The following INSC variants were observed in gnomAD, a reference collection of about 807,000 sequenced individuals.
INSC encodes the protein INSC spindle orientation adaptor protein.
A neutral mutation model predicts 58.6 loss-of-function variants in INSC; 67 were observed. That is an observed-to-expected ratio of 1.14 (90% CI 0.94 to 1.40). The LOEUF (loss-of-function observed/expected upper bound fraction) is 1.40. Ranked by LOEUF, INSC falls within the 40% of genes most tolerant of loss-of-function variation. INSC has a pLI of 0.00. For synonymous variants in INSC, 262 were observed against 276.1 expected (o/e 0.95, Z 0.51); for missense variants, 714 against 692.0 (o/e 1.03, Z -0.36).
chr11:15,169,719 T>C (rs1232631501), intron 2 of INSC, among the ~76,000 whole-genome samples: 1 of 152,134 alleles, frequency 6.6e-6, no homozygotes, highest in African/African-American at 2.4e-5. Context: ...TTTTTTTTTT[T>C]TGTACTTTTA....
intron 1 of INSC, among the ~76,000 whole-genome samples, chr11:15,129,813 A>G (rs1848084498): frequency 6.6e-6 from 1 of 152,228 alleles, no homozygotes; most frequent in South Asian, 2.1e-4. Context: ...ATGAATTGCT[A>G]CTTCATATGT....
intron 9 of INSC, among the ~76,000 whole-genome samples, chr11:15,226,642 T>C (rs1351100912): frequency 6.6e-6 from 1 of 152,158 alleles, no homozygotes; most frequent in East Asian, 1.9e-4. Flanking sequence ...CCTGTCTGCA[T>C]TTTAGCCCCT....
At chr11:15,234,887 G>A (rs553782106) in intron 9 of INSC, among the ~76,000 whole-genome samples, 13 of 152,190 alleles carry the variant, frequency 8.5e-5, no homozygotes, top group Admixed American at 7.8e-4. Flanking sequence ...TTTCTCCCTT[G>A]ACTGTACCAG....
chr11:15,159,687 A>G (rs560777649), intron 2 of INSC, among the ~76,000 whole-genome samples: 2 of 152,332 alleles, frequency 1.3e-5, no homozygotes, highest in African/African-American at 4.8e-5. Context: ...AAACTTTGCC[A>G]CTTGTGATCT....
At position 15,225,894 on chromosome 11, in the gene INSC, C is replaced by T; in HGVS notation, c.1170+66C>T. Reference sequence around the variant, plus strand: ...ATGGAGACAGAAGTTAGGAGGCCAGCACGTAGTTTCTGAGGCAGGGGAGAG... The same window carrying T: ...ATGGAGACAGAAGTTAGGAGGCCAGTACGTAGTTTCTGAGGCAGGGGAGAG... On this transcript the variant is annotated intron_variant, in intron 9 of 12. Transcript: ENST00000379556. 5 of 1,494,808 alleles carry T rather than the reference C, an allele frequency of 3.3e-6. No individual in the cohort carries two copies. In the South Asian group the frequency reaches 3.8e-5, roughly 11 times the overall value. The allele number at this position is 1,494,808 out of a possible 1,614,324, so 92.6% of individuals were successfully genotyped here.
intron 2 of INSC, among the ~76,000 whole-genome samples, chr11:15,156,048 T>G (rs1052017947): frequency 1.3e-5 from 2 of 152,152 alleles, no homozygotes; most frequent in African/African-American, 4.8e-5. Flanking sequence ...ACTGAGGGAA[T>G]GAGGAGACCT....
At position 15,225,906 on chromosome 11, in the gene INSC, G is replaced by C. The variant is rs1201506930; in HGVS notation, c.1170+78G>C. On this transcript the variant is annotated intron_variant, in intron 9 of 12. Transcript: ENST00000379556. ...GTTAGGAGGCCAGCACGTAGTTTCT[G>C]AGGCAGGGGAGAGAGCATGGGAGTC... 4 of 1,417,392 alleles carry C rather than the reference G, an allele frequency of 2.8e-6. No individual in the cohort carries two copies. The Admixed American group carries it at 6.5e-5, about 23-fold the overall frequency. 87.8% of individuals were successfully genotyped at this position (1,417,392 alleles called of 1,614,324 possible).
intron 5 of INSC, among the ~76,000 whole-genome samples, chr11:15,184,737 A>G (rs1053562423): frequency 1.3e-5 from 2 of 152,222 alleles, no homozygotes; most frequent in African/African-American, 4.8e-5. Context: ...TTACTGAGAA[A>G]AAGTTAACTC....
chr11:15,168,032 G>A (rs1429601591), intron 2 of INSC, among the ~76,000 whole-genome samples: 1 of 152,160 alleles, frequency 6.6e-6, no homozygotes, highest in African/African-American at 2.4e-5. Context: ...GCCCCAAGTT[G>A]TTGCTTGGGC....
At chr11:15,116,460 A>T (rs1847696876) in intron 1 of INSC, among the ~76,000 whole-genome samples, 1 of 152,056 alleles carries the variant, frequency 6.6e-6, no homozygotes, top group East Asian at 1.9e-4. Context: ...TCCAGTGGTT[A>T]TCTTTTTTTC....
At chr11:15,220,905 G>C (rs1049853842) in intron 7 of INSC, among the ~76,000 whole-genome samples, 3 of 152,330 alleles carry the variant, frequency 2.0e-5, no homozygotes, top group Middle Eastern at 6.8e-3. Flanking sequence ...GTGGAGAATG[G>C]TGGAGGACAA....
chr11:15,253,090 A>G, the INSC span, among the ~76,000 whole-genome samples: 1 of 152,228 alleles, frequency 6.6e-6, no homozygotes, highest in Non-Finnish European at 1.5e-5. Context: ...TGCTAGAAGA[A>G]TATAGGTAAA....
chr11:15,122,457 C>T (rs1012885865), intron 1 of INSC, among the ~76,000 whole-genome samples: 5 of 152,202 alleles, frequency 3.3e-5, no homozygotes, highest in African/African-American at 1.2e-4. Flanking sequence ...GTCTAAGTGA[C>T]TCCCAGTTTG....
intron 2 of INSC, among the ~76,000 whole-genome samples, chr11:15,158,693 A>G (rs1848901644): frequency 8.0e-6 from 1 of 124,744 alleles, no homozygotes; most frequent in Non-Finnish European, 1.9e-5. Context: ...TCTCCAAACA[A>G]AAGTCTCCTC....
At chr11:15,119,531 C>T (rs184593465) in intron 1 of INSC, among the ~76,000 whole-genome samples, 4 of 152,182 alleles carry the variant, frequency 2.6e-5, no homozygotes, top group African/African-American at 7.2e-5. Flanking sequence ...TGTCTGTAGG[C>T]GTCAGCAGTT....
chr11:15,231,938 C>T (rs563574791), intron 9 of INSC, among the ~76,000 whole-genome samples: 19 of 152,306 alleles, frequency 1.2e-4, no homozygotes, highest in African/African-American at 4.3e-4. Flanking sequence ...ACCTTGGCAT[C>T]GGCCTGCAGA....
At chr11:15,235,795 C>A in intron 10 of INSC, 127 bp downstream of exon 10, 1 of 833,054 alleles carries the variant, frequency 1.2e-6, no homozygotes, top group Non-Finnish European at 2.1e-6. Flanking sequence ...AGGAATCATG[C>A]CTGTAATCCC....
chr11:15,170,133 G>C (rs904613730), intron 2 of INSC, among the ~76,000 whole-genome samples: 1 of 152,006 alleles, frequency 6.6e-6, no homozygotes, highest in Non-Finnish European at 1.5e-5. Context: ...TTGTTATACT[G>C]TGTTTTTTGT....
At chr11:15,155,012 C>G (rs1029980680) in intron 2 of INSC, among the ~76,000 whole-genome samples, 1 of 152,104 alleles carries the variant, frequency 6.6e-6, no homozygotes, top group Non-Finnish European at 1.5e-5. Context: ...TTATAGAAGC[C>G]CCTTGGTATA....
Sources: allele counts gnomAD v4.1 joint callset (sites outside exome capture counted in the v4.1 genomes callset), GRCh38; gene constraint gnomAD v4.1.1; transcripts MANE v1.5; gene names NCBI Gene and HGNC (gene_info 2026-07-23, HGNC 2026-07-21).